NOX4: variants seen among roughly 807,000 people sequenced by gnomAD.
NOX4 encodes NADPH oxidase 4.
A neutral mutation model predicts 87.6 loss-of-function variants in NOX4; 69 were observed. The observed-to-expected ratio is 0.79, with a 90% CI of 0.65 to 0.96. The LOEUF (loss-of-function observed/expected upper bound fraction) is 0.96. NOX4 is among the 40% of genes least tolerant of loss of function. NOX4 has a pLI of 0.00. For synonymous variants in NOX4, 275 were observed against 238.2 expected, an observed-to-expected ratio of 1.15 and a Z score of -1.42; for missense variants, 680 against 681.5, an observed-to-expected ratio of 1.00 and a Z score of 0.02.
At chr11:89,475,920 G>T (rs1265244888) in intron 2 of NOX4, among the ~76,000 whole-genome samples, 1 of 152,016 alleles carries the variant, frequency 6.6e-6, no homozygotes, top group African/African-American at 2.4e-5. Context: ...CTTATGGTTT[G>T]CTTTTCTTGT....
rs563754463 is a variant in NOX4, at chr11:89,476,014, C to T, written c.153+14444G>A. Among the ~76,000 whole-genome samples, 34 of 152,188 alleles carry T rather than the reference C, an allele frequency of 2.2e-4. No individual in the cohort carries two copies. In the South Asian group the frequency reaches 5.4e-3, roughly 24 times the overall value. On this transcript the variant is annotated intron_variant, in intron 2 of 17. Coordinates refer to ENST00000263317, the MANE Select transcript of NOX4 (RefSeq NM_016931.5). Reference sequence around the variant, plus strand: ...TTTTAATAAAGAAAATCCTAATATCCTGCCATGTACAAAACAAAACATCTC... The same window carrying T: ...TTTTAATAAAGAAAATCCTAATATCTTGCCATGTACAAAACAAAACATCTC...
the NOX4 span, among the ~76,000 whole-genome samples, chr11:89,572,519 A>G: frequency 2.6e-5 from 4 of 151,436 alleles, no homozygotes; most frequent in African/African-American, 7.3e-5. Flanking sequence ...CTGCAGAATT[A>G]TATGTTTTTT....
At chr11:89,454,444 G>A (rs932225913) in intron 2 of NOX4, among the ~76,000 whole-genome samples, 2 of 152,066 alleles carry the variant, frequency 1.3e-5, no homozygotes, top group African/African-American at 4.8e-5. Flanking sequence ...TTTGGGTAGT[G>A]TCTGAACATT....
At chr11:89,553,686 T>C in the NOX4 span, among the ~76,000 whole-genome samples, 1 of 152,022 alleles carries the variant, frequency 6.6e-6, no homozygotes. Context: ...CACAAAGAGA[T>C]TGCAAAGACA....
the NOX4 span, among the ~76,000 whole-genome samples, chr11:89,534,495 A>T: frequency 2.6e-5 from 4 of 152,158 alleles, no homozygotes; most frequent in South Asian, 2.1e-4. Flanking sequence ...ATCATAACTA[A>T]CATGATTCAT....
the NOX4 span, among the ~76,000 whole-genome samples, chr11:89,570,268 C>A: frequency 6.6e-6 from 1 of 152,114 alleles, no homozygotes; most frequent in Non-Finnish European, 1.5e-5. Context: ...AAACCAAACA[C>A]CACATGTTCT....
At chr11:89,407,049 T>C (rs765581691) in intron 8 of NOX4, among the ~76,000 whole-genome samples, 11 of 152,104 alleles carry the variant, frequency 7.2e-5, no homozygotes, top group Non-Finnish European at 1.3e-4. Context: ...TCATGTCTTA[T>C]GCATTTATCC....
chr11:89,464,997 A>C (rs1218888197), intron 2 of NOX4, among the ~76,000 whole-genome samples: 1 of 151,942 alleles, frequency 6.6e-6, no homozygotes, highest in African/African-American at 2.4e-5. Context: ...TTTAAAAAAC[A>C]TTTTTGTTAT....
At chr11:89,519,165 G>C in the NOX4 span, among the ~76,000 whole-genome samples, 1 of 152,072 alleles carries the variant, frequency 6.6e-6, no homozygotes, top group South Asian at 2.1e-4. Context: ...TGTGAGAAGT[G>C]CTATGTTTGA....
chr11:89,339,919 T>G (rs1335411858), intron 15 of NOX4, 144 bp downstream of exon 15: 1 of 473,326 alleles, frequency 2.1e-6, no homozygotes, highest in Non-Finnish European at 3.8e-6. Context: ...TTTTTATGTT[T>G]AAGAGACTTA....
upstream of NOX4, among the ~76,000 whole-genome samples, chr11:89,496,557 C>T (rs748076906): frequency 5.3e-5 from 8 of 149,982 alleles, no homozygotes; most frequent in Admixed American, 1.3e-4. Context: ...ATTTTATATG[C>T]CAATGATAGA....
At chr11:89,384,251 C>G (rs909220007) in intron 11 of NOX4, among the ~76,000 whole-genome samples, 4 of 152,076 alleles carry the variant, frequency 2.6e-5, no homozygotes, top group African/African-American at 9.7e-5. Context: ...AACATGCTTT[C>G]TTTACTATTC....
chr11:89,456,764 C>T (rs1192730552), intron 2 of NOX4, among the ~76,000 whole-genome samples: 1 of 152,124 alleles, frequency 6.6e-6, no homozygotes, highest in African/African-American at 2.4e-5. Flanking sequence ...AACAGGATTC[C>T]AGCCTGTGCA....
intron 7 of NOX4, among the ~76,000 whole-genome samples, chr11:89,422,294 A>C (rs936426670): frequency 7.9e-5 from 12 of 152,212 alleles, no homozygotes; most frequent in Non-Finnish European, 1.8e-4. Context: ...GTCTGCTAAT[A>C]TGTACTTTGG....
intron 7 of NOX4, among the ~76,000 whole-genome samples, chr11:89,427,586 A>G (rs1943506812): frequency 6.6e-6 from 1 of 152,228 alleles, no homozygotes; most frequent in Non-Finnish European, 1.5e-5. Flanking sequence ...GACAAGCTTC[A>G]GTAGCCGATT....
At chr11:89,525,726 A>C in the NOX4 span, among the ~76,000 whole-genome samples, 2 of 152,016 alleles carry the variant, frequency 1.3e-5, no homozygotes, top group African/African-American at 2.4e-5. Flanking sequence ...AATTGTTTTA[A>C]AAGTTAAATT....
Position 89,324,587 on chromosome 11 carries a change from T to A in NOX4, c.*2169A>T, listed in dbSNP as rs1945148957. The A allele has an allele frequency of 6.6e-6, 1 of 152,334 alleles. No individual in the cohort carries two copies. Among genetic ancestry groups the A allele is most frequent in the Non-Finnish European group, 1.5e-5 (1 of 68,038 alleles). The allele number at this position is 152,334 out of a possible 1,614,324, so 9.4% of individuals were successfully genotyped here. A position where few individuals can be genotyped will look rare whatever the true frequency, so the allele number is the denominator to read the frequency against. On this transcript the variant is annotated 3_prime_UTR_variant, in exon 18 of 18. Coordinates refer to ENST00000263317, the MANE Select transcript of NOX4 (RefSeq NM_016931.5). ...GGCAGACCAGCTTTGAAACATCATC[T>A]TTCTTTTGAAAAATCTTCTACCTGT...
intron 11 of NOX4, among the ~76,000 whole-genome samples, chr11:89,390,661 C>T (rs1334170975): frequency 6.6e-6 from 1 of 152,062 alleles, no homozygotes; most frequent in Non-Finnish European, 1.5e-5. Flanking sequence ...CAGATAAGCA[C>T]AGAATTAGGA....
At chr11:89,374,555 A>G (rs1232659536) in intron 11 of NOX4, among the ~76,000 whole-genome samples, 2 of 152,168 alleles carry the variant, frequency 1.3e-5, no homozygotes, top group African/African-American at 4.8e-5. Flanking sequence ...GTTGTCTTTT[A>G]TAGATAAGAA....
Sources: allele counts gnomAD v4.1 joint callset (sites outside exome capture counted in the v4.1 genomes callset), GRCh38; gene constraint gnomAD v4.1.1; transcripts MANE v1.5; gene names NCBI Gene and HGNC (gene_info 2026-07-23, HGNC 2026-07-21).